DLGAP4: variants seen among roughly 807,000 people sequenced by gnomAD.
DLGAP4 encodes the protein disks large-associated protein 4.
In DLGAP4, 18 loss-of-function variants were observed where a neutral mutation model predicts 86.9. The observed-to-expected ratio is 0.21, with a 90% confidence interval of 0.14 to 0.31. The LOEUF (loss-of-function observed/expected upper bound fraction) is 0.31, where lower values mean the gene tolerates loss of function less well. Among genes scored for constraint, DLGAP4 ranks in the 10% least tolerant of loss-of-function variants. The pLI is 1.00. For synonymous variants in DLGAP4, 548 were observed against 574.3 expected, an observed-to-expected ratio of 0.95 and a Z score of 0.65; for missense variants, 1,085 against 1,362.6, an observed-to-expected ratio of 0.80 and a Z score of 3.21.
chr20:36,504,637 C>T (rs2036283010), intron 10 of DLGAP4, among the ~76,000 whole-genome samples: 1 of 152,222 alleles, frequency 6.6e-6, no homozygotes, highest in Non-Finnish European at 1.5e-5. Flanking sequence ...TCCAGTTTCT[C>T]CACATCTTCA....
At chr20:36,374,032 CAAA>C (rs11472489) in intron 2 of DLGAP4, among the ~76,000 whole-genome samples, 5 of 115,676 alleles carry the variant, frequency 4.3e-5, no homozygotes, top group African/African-American at 6.7e-5. Context: ...GAGACTGTCT[CAAA>C]AAAAAAAAAA....
intron 2 of DLGAP4, among the ~76,000 whole-genome samples, chr20:36,429,344 G>T (rs2033064500): frequency 6.6e-6 from 1 of 150,470 alleles, no homozygotes; most frequent in Non-Finnish European, 1.5e-5. Flanking sequence ...CTCCAAAAGT[G>T]CTGGGATTAC....
intron 7 of DLGAP4, among the ~76,000 whole-genome samples, chr20:36,476,639 A>G (rs563447094): frequency 1.1e-4 from 14 of 125,468 alleles, no homozygotes; most frequent in African/African-American, 4.3e-4. Flanking sequence ...AGCAACCACC[A>G]TTCTTTCTAT....
intron 1 of DLGAP4, among the ~76,000 whole-genome samples, chr20:36,321,323 C>T (rs782345436): frequency 4.6e-5 from 7 of 152,342 alleles, no homozygotes; most frequent in Non-Finnish European, 8.8e-5. Flanking sequence ...AGCAAGAAGA[C>T]GGGCAGGGAT....
At chr20:36,446,122 T>C (rs2033585474) in intron 6 of DLGAP4, among the ~76,000 whole-genome samples, 1 of 152,244 alleles carries the variant, frequency 6.6e-6, no homozygotes, top group Non-Finnish European at 1.5e-5. Flanking sequence ...CTCTGGCCTC[T>C]GCCTCCATTC....
intron 8 of DLGAP4, chr20:36,499,071 G>A (rs1038288311): frequency 1.7e-5 from 11 of 639,914 alleles, no homozygotes; most frequent in Middle Eastern, 2.7e-4. Context: ...TAGTGCAGGC[G>A]CCTCTGGCCT....
At chr20:36,340,899 G>T (rs935390908) in intron 1 of DLGAP4, among the ~76,000 whole-genome samples, 3 of 152,188 alleles carry the variant, frequency 2.0e-5, no homozygotes, top group Admixed American at 6.5e-5. Flanking sequence ...CTTTGAGTCA[G>T]CCCCAAAGGG....
rs1355608970 is a variant in DLGAP4 at position 36,306,550 on chromosome 20, C to A, written c.-304+38C>A. On this transcript the variant is annotated intron_variant, in intron 1 of 12. Transcript: ENST00000339266. The surrounding 1 kb of genome is among the most constrained non-coding windows in gnomAD (Gnocchi z 4.9). ...GGGTGGCGCGCGGCGGCTCCTACCC[C>A]CTTCCCGGGCCGGCGCGCTCCGTCC... is the stretch of plus-strand genomic sequence containing the variant. 50 of 151,846 alleles carry A rather than the reference C, an allele frequency of 3.3e-4. No individual in the cohort carries two copies. Among genetic ancestry groups the A allele is most frequent in the African/African-American group, 1.1e-3 (47 of 41,468 alleles). 9.4% of individuals were successfully genotyped at this position (151,846 alleles called of 1,614,324 possible). A position where few individuals can be genotyped will look rare whatever the true frequency, so the allele number is the denominator to read the frequency against.
At chr20:36,491,725 G>A (rs2035671514) in intron 7 of DLGAP4, among the ~76,000 whole-genome samples, 1 of 152,190 alleles carries the variant, frequency 6.6e-6, no homozygotes, top group Non-Finnish European at 1.5e-5. Flanking sequence ...GGTTTGGGAG[G>A]AGCCCTAGAA....
At chr20:36,503,647 C>A (rs2036242640) in intron 10 of DLGAP4, among the ~76,000 whole-genome samples, 1 of 152,004 alleles carries the variant, frequency 6.6e-6, no homozygotes. Context: ...GCCAACCACG[C>A]CCGGGTAATT....
intron 2 of DLGAP4, among the ~76,000 whole-genome samples, chr20:36,406,563 G>C (rs1181749491): frequency 1.3e-5 from 2 of 152,140 alleles, no homozygotes; most frequent in Non-Finnish European, 2.9e-5. Flanking sequence ...GGGTGACGGA[G>C]CACCTGTGGG....
chr20:36,399,130 T>C (rs1166615417), intron 2 of DLGAP4, among the ~76,000 whole-genome samples: 1 of 152,154 alleles, frequency 6.6e-6, no homozygotes, highest in Non-Finnish European at 1.5e-5. Context: ...GAGGCGGAGT[T>C]GCAGTGAGCC....
intron 2 of DLGAP4, among the ~76,000 whole-genome samples, chr20:36,408,333 C>T (rs1331870241): frequency 1.3e-5 from 2 of 151,886 alleles, no homozygotes; most frequent in Non-Finnish European, 2.9e-5. Flanking sequence ...CTAAAGACCC[C>T]TGGAGGACCA....
chr20:36,525,818 A>C (rs757431060), intron 11 of DLGAP4, 33 bp from the exon 12 acceptor site: 15 of 1,609,238 alleles, frequency 9.3e-6, no homozygotes, highest in Non-Finnish European at 1.2e-5. Context: ...GCCTCTGCTG[A>C]GCTGGCCCCA....
At chr20:36,487,146 T>C (rs2035453288) in intron 7 of DLGAP4, among the ~76,000 whole-genome samples, 1 of 152,082 alleles carries the variant, frequency 6.6e-6, no homozygotes, top group Non-Finnish European at 1.5e-5. Flanking sequence ...GAGATGGGAA[T>C]TTCCATGCTT....
chr20:36,349,490 A>G (rs1555893303), intron 1 of DLGAP4, among the ~76,000 whole-genome samples: 1 of 151,636 alleles, frequency 6.6e-6, no homozygotes, highest in Non-Finnish European at 1.5e-5. Context: ...AGGAGGGGAT[A>G]TTTGAGCACA....
At chr20:36,505,083 G>A (rs1425714039) in intron 10 of DLGAP4, among the ~76,000 whole-genome samples, 1 of 151,986 alleles carries the variant, frequency 6.6e-6, no homozygotes, top group Non-Finnish European at 1.5e-5. Context: ...CGCCTGCTGG[G>A]TTCAGGCAAT....
chr20:36,519,980 G>A (rs1430545411), intron 10 of DLGAP4, among the ~76,000 whole-genome samples: 1 of 150,838 alleles, frequency 6.6e-6, no homozygotes, highest in East Asian at 1.9e-4. Flanking sequence ...TCTTTTGGTA[G>A]AGAAGAGGTC....
At chr20:36,349,373 A>T (rs2030063203) in intron 1 of DLGAP4, among the ~76,000 whole-genome samples, 1 of 150,112 alleles carries the variant, frequency 6.7e-6, no homozygotes, top group Non-Finnish European at 1.5e-5. Context: ...AGCCGAGATC[A>T]CGCCACTGCA....
Sources: gnomAD v4.1 joint callset for allele counts (sites outside exome capture counted in the v4.1 genomes callset) on GRCh38, gnomAD v4.1.1 for gene constraint, Gnocchi (gnomAD v3.1) non-coding constraint, MANE v1.5 for transcripts, NCBI Gene and HGNC (gene_info 2026-07-23, HGNC 2026-07-21) for gene names.